ANGPT1: variants seen among roughly 807,000 people sequenced by gnomAD.
ANGPT1 encodes the protein angiopoietin 1.
Under a neutral mutation model 62.2 loss-of-function variants are expected in ANGPT1, and 17 were observed. That is an observed-to-expected ratio of 0.27 (90% confidence interval 0.19 to 0.41). The LOEUF (loss-of-function observed/expected upper bound fraction) is 0.41. Ranked by LOEUF, ANGPT1 falls within the 10% of genes least tolerant of loss-of-function variation. The pLI is 1.00. For missense variants in ANGPT1, 478 were observed against 594.9 expected (o/e 0.80, Z 2.04); for synonymous variants, 199 against 198.9 (o/e 1.00, Z 0.00).
intron 8 of ANGPT1, among the ~76,000 whole-genome samples, chr8:107,260,029 C>A (rs1172759280): frequency 6.6e-6 from 1 of 151,964 alleles, no homozygotes; most frequent in African/African-American, 2.4e-5. Flanking sequence ...TTTAATGAAA[C>A]TTATGCTCTA....
chr8:107,287,701 G>T (rs1034579631), intron 6 of ANGPT1, among the ~76,000 whole-genome samples: 3 of 152,134 alleles, frequency 2.0e-5, no homozygotes, highest in Non-Finnish European at 4.4e-5. Context: ...TAGGACAAAG[G>T]CTTGGCTTGG....
chr8:107,443,715 A>G (rs1811537430), intron 1 of ANGPT1, among the ~76,000 whole-genome samples: 2 of 151,216 alleles, frequency 1.3e-5, no homozygotes, highest in Non-Finnish European at 2.9e-5. Flanking sequence ...GCTATTCAGG[A>G]GGCTGAGGCA....
At chr8:107,372,146 T>C (rs997076207) in intron 1 of ANGPT1, among the ~76,000 whole-genome samples, 2 of 149,666 alleles carry the variant, frequency 1.3e-5, no homozygotes, top group African/African-American at 4.9e-5. Flanking sequence ...TGATGTTTCA[T>C]TGTGTGTGCA....
At chr8:107,403,343 C>A (rs947738199) in intron 1 of ANGPT1, among the ~76,000 whole-genome samples, 2 of 152,040 alleles carry the variant, frequency 1.3e-5, no homozygotes, top group Non-Finnish European at 2.9e-5. Context: ...GGACTCATAC[C>A]TACACCTTAG....
chr8:107,278,223 G>A (rs895384412), intron 7 of ANGPT1, among the ~76,000 whole-genome samples: 1 of 151,846 alleles, frequency 6.6e-6, no homozygotes, highest in Non-Finnish European at 1.5e-5. Context: ...CAATGGGTGT[G>A]CAACACCACG....
chr8:107,293,187 GAGA>G (rs1407517615), intron 6 of ANGPT1, among the ~76,000 whole-genome samples: 6 of 135,372 alleles, frequency 4.4e-5, no homozygotes, highest in East Asian at 4.2e-4. Flanking sequence ...CATTAAAAAA[GAGA>G]AGAACTGTGA....
intron 1 of ANGPT1, among the ~76,000 whole-genome samples, chr8:107,474,858 C>T (rs911257256): frequency 6.6e-6 from 1 of 152,090 alleles, no homozygotes; most frequent in African/African-American, 2.4e-5. Context: ...AATAAAATAC[C>T]TAGGAATTCA....
At chr8:107,277,460 G>A (rs1005985170) in intron 7 of ANGPT1, among the ~76,000 whole-genome samples, 1 of 151,950 alleles carries the variant, frequency 6.6e-6, no homozygotes, top group Admixed American at 6.6e-5. Context: ...AAACTGTGCT[G>A]TACTAATGTT....
At chr8:107,462,166 G>T (rs141092627) in intron 1 of ANGPT1, among the ~76,000 whole-genome samples, 1 of 152,000 alleles carries the variant, frequency 6.6e-6, no homozygotes, top group Non-Finnish European at 1.5e-5. Flanking sequence ...TTGTTTAATT[G>T]AAAAATAAGT....
chr8:107,406,748 T>G (rs1817156327), intron 1 of ANGPT1, among the ~76,000 whole-genome samples: 1 of 152,062 alleles, frequency 6.6e-6, no homozygotes, highest in Non-Finnish European at 1.5e-5. Context: ...ATAACTATCT[T>G]ATATGGTTTT....
chr8:107,361,274 T>C (rs1026896355), intron 1 of ANGPT1, among the ~76,000 whole-genome samples: 5 of 151,862 alleles, frequency 3.3e-5, no homozygotes, highest in African/African-American at 1.2e-4. Context: ...GGAAATAGTG[T>C]TTTCTTCTTT....
intron 1 of ANGPT1, among the ~76,000 whole-genome samples, chr8:107,431,248 G>A (rs1002406833): frequency 6.6e-6 from 1 of 152,112 alleles, no homozygotes; most frequent in Non-Finnish European, 1.5e-5. Context: ...GAAAATGTAA[G>A]CATAAAAAAA....
At chr8:107,328,907 T>C (rs1329218587) in intron 3 of ANGPT1, among the ~76,000 whole-genome samples, 1 of 151,884 alleles carries the variant, frequency 6.6e-6, no homozygotes, top group Non-Finnish European at 1.5e-5. Flanking sequence ...AAATTATATA[T>C]CTATTAACAT....
At chr8:107,437,768 G>A (rs1811368483) in intron 1 of ANGPT1, among the ~76,000 whole-genome samples, 1 of 151,986 alleles carries the variant, frequency 6.6e-6, no homozygotes, top group Non-Finnish European at 1.5e-5. Flanking sequence ...AGATAAGCTA[G>A]AGTGGCATGA....
At chr8:107,265,321 G>A (rs927219435) in intron 7 of ANGPT1, among the ~76,000 whole-genome samples, 1 of 152,112 alleles carries the variant, frequency 6.6e-6, no homozygotes, top group African/African-American at 2.4e-5. Context: ...TATTGTCCTA[G>A]AATCCGAGAA....
intron 1 of ANGPT1, among the ~76,000 whole-genome samples, chr8:107,397,270 A>G (rs555915780): frequency 6.6e-6 from 1 of 152,298 alleles, no homozygotes; most frequent in Admixed American, 6.5e-5. Context: ...AAATGTCCCC[A>G]AGGCCAATGT....
At chr8:107,350,046 A>G (rs1815899698) in intron 1 of ANGPT1, among the ~76,000 whole-genome samples, 1 of 152,138 alleles carries the variant, frequency 6.6e-6, no homozygotes, top group African/African-American at 2.4e-5. Context: ...GATGTAAATT[A>G]TCTAGGTCAC....
intron 1 of ANGPT1, among the ~76,000 whole-genome samples, chr8:107,405,771 G>A (rs1218887197): frequency 6.6e-6 from 1 of 151,918 alleles, no homozygotes; most frequent in Non-Finnish European, 1.5e-5. Context: ...TGTCATAAAT[G>A]TGTTAGCCAG....
At chr8:107,315,088 A>C (rs570032603) in intron 4 of ANGPT1, among the ~76,000 whole-genome samples, 1 of 152,172 alleles carries the variant, frequency 6.6e-6, no homozygotes, top group Non-Finnish European at 1.5e-5. Flanking sequence ...TCCCCCTTTA[A>C]GAAGACTAGA....
Sources: allele counts gnomAD v4.1 joint callset (sites outside exome capture counted in the v4.1 genomes callset), GRCh38; gene constraint gnomAD v4.1.1; transcripts MANE v1.5; gene names NCBI Gene and HGNC (gene_info 2026-07-23, HGNC 2026-07-21).